Variants in THSD7A observed in about 807,000 individuals in gnomAD.
THSD7A encodes the protein thrombospondin type 1 domain containing 7A.
In THSD7A, 96 loss-of-function variants were observed where a neutral mutation model predicts 231.3. The observed-to-expected ratio is 0.41, with a 90% CI of 0.35 to 0.49. The LOEUF is 0.49. Ranked by LOEUF, THSD7A falls within the 20% of genes least tolerant of loss-of-function variation. The probability of loss-of-function intolerance (pLI) is 0.05; values close to 1 mark genes in which losing one functional copy is unlikely to be tolerated. For synonymous variants in THSD7A, 940 were observed against 743.3 expected (o/e 1.26, Z -4.30); for missense variants, 2,290 against 2,070.2 (o/e 1.11, Z -2.06).
At chr7:11,591,187 T>C (rs1433156834) in intron 3 of THSD7A, among the ~76,000 whole-genome samples, 1 of 144,794 alleles carries the variant, frequency 6.9e-6, no homozygotes, top group Non-Finnish European at 1.5e-5. Flanking sequence ...GCACTGAGCA[T>C]TCCTAATGAG....
intron 1 of THSD7A, among the ~76,000 whole-genome samples, chr7:11,667,916 C>A (rs1373378673): frequency 6.6e-6 from 1 of 152,090 alleles, no homozygotes; most frequent in Non-Finnish European, 1.5e-5. Context: ...TGCATATTAA[C>A]GTTAATGTAA....
intron 11 of THSD7A, among the ~76,000 whole-genome samples, chr7:11,451,922 C>G (rs1473551660): frequency 6.6e-6 from 1 of 152,142 alleles, no homozygotes; most frequent in South Asian, 2.1e-4. Context: ...TAAGGCCATG[C>G]ACTCATTTTG....
Position 11,395,247 on chromosome 7 carries a change from G to T in THSD7A, c.4411+6548C>A, listed in dbSNP as rs1783137621. Among the ~76,000 whole-genome samples the T allele has an allele frequency of 2.0e-5, 3 of 152,068 alleles. No homozygotes were observed. In the South Asian group the frequency reaches 6.2e-4, roughly 32 times the overall value. ...AAGAAGAGCATTACATATGGTAAAG[G>T]GATCAATGTAACAAGAACAGCTAAC... On this transcript the variant is annotated intron_variant, in intron 23 of 27. Coordinates refer to ENST00000423059, the MANE Select transcript of THSD7A (RefSeq NM_015204.3).
intron 1 of THSD7A, among the ~76,000 whole-genome samples, chr7:11,801,753 G>GT (rs1423545233): frequency 6.6e-6 from 1 of 152,076 alleles, no homozygotes; most frequent in African/African-American, 2.4e-5. Flanking sequence ...CAAAAAATCT[G>GT]TATGTCGTAA....
chr7:11,561,318 A>C (rs748184085), intron 4 of THSD7A, among the ~76,000 whole-genome samples: 4 of 152,338 alleles, frequency 2.6e-5, no homozygotes, highest in Admixed American at 6.5e-5. Flanking sequence ...GATTGAGGCT[A>C]TCAAGATAAT....
chr7:11,525,250 C>T (rs1788422691), intron 6 of THSD7A, among the ~76,000 whole-genome samples: 1 of 146,714 alleles, frequency 6.8e-6, no homozygotes, highest in Admixed American at 6.7e-5. Flanking sequence ...ACAGTTCATC[C>T]AAAGAGCACT....
intron 1 of THSD7A, among the ~76,000 whole-genome samples, chr7:11,768,685 T>C (rs1448096680): frequency 6.6e-6 from 1 of 152,202 alleles, no homozygotes; most frequent in East Asian, 1.9e-4. Flanking sequence ...TTCCCATGTG[T>C]AATATTTTAT....
chr7:11,483,859 ATATT>A (rs1260972618), intron 6 of THSD7A, among the ~76,000 whole-genome samples: 3 of 152,148 alleles, frequency 2.0e-5, no homozygotes, highest in African/African-American at 7.2e-5. Flanking sequence ...ATTCAGAAAA[ATATT>A]TATTCTGTGG....
intron 6 of THSD7A, among the ~76,000 whole-genome samples, chr7:11,493,785 T>C (rs769111209): frequency 9.9e-5 from 15 of 152,084 alleles, no homozygotes; most frequent in Non-Finnish European, 1.6e-4. Flanking sequence ...CAGACTGGAC[T>C]CTTTTTTGTT....
intron 4 of THSD7A, among the ~76,000 whole-genome samples, chr7:11,586,255 T>A (rs1247331630): frequency 1.3e-5 from 2 of 152,228 alleles, no homozygotes; most frequent in Non-Finnish European, 2.9e-5. Flanking sequence ...TTTAAAAATC[T>A]TGTTTTCCTG....
Position 11,637,010 on chromosome 7 carries a change from A to G in THSD7A, c.191-49T>C, listed in dbSNP as rs1315509733. ...TTAGCAGTGCTACTAGAAGAAAACT[A>G]CAAGTTACTGCACATTCCAGAAAGA... On this transcript the variant is annotated intron_variant, in intron 1 of 27. Transcript: ENST00000423059. This position sits in a 1 kb window ranked among gnomAD's most constrained non-coding sequence, Gnocchi z 4.2. The G allele has an allele frequency of 6.6e-7, 1 of 1,519,970 alleles. No individual in the cohort carries two copies. The highest frequency in any genetic ancestry group is 1.2e-5 in the South Asian group (1 of 81,436). The allele number at this position is 1,519,970 out of a possible 1,614,324, so 94.2% of individuals were successfully genotyped here.
chr7:11,525,473 A>G (rs1788432839), intron 6 of THSD7A, among the ~76,000 whole-genome samples: 1 of 152,160 alleles, frequency 6.6e-6, no homozygotes, highest in South Asian at 2.1e-4. Flanking sequence ...ACAACTTACT[A>G]CTTACAAGTA....
chr7:11,509,424 G>A (rs1268262734), intron 6 of THSD7A, among the ~76,000 whole-genome samples: 3 of 152,082 alleles, frequency 2.0e-5, no homozygotes, highest in Non-Finnish European at 4.4e-5. Context: ...TGATTTCAAA[G>A]GTTAGAAATG....
At chr7:11,403,871 C>A (rs1783494197) in intron 22 of THSD7A, among the ~76,000 whole-genome samples, 1 of 152,012 alleles carries the variant, frequency 6.6e-6, no homozygotes, top group Admixed American at 6.6e-5. Flanking sequence ...CGATGCCTGC[C>A]AAAGATATGA....
chr7:11,688,286 A>G (rs1780124097), intron 1 of THSD7A, among the ~76,000 whole-genome samples: 1 of 151,810 alleles, frequency 6.6e-6, no homozygotes, highest in Non-Finnish European at 1.5e-5. Context: ...TATGTGCCAC[A>G]TTCTAAACAG....
intron 8 of THSD7A, among the ~76,000 whole-genome samples, chr7:11,471,388 G>C (rs1408463630): frequency 6.6e-6 from 1 of 151,936 alleles, no homozygotes; most frequent in African/African-American, 2.4e-5. Context: ...CAGGTTTTCA[G>C]AAGTGAACTA....
intron 2 of THSD7A, among the ~76,000 whole-genome samples, chr7:11,606,276 C>A (rs1780729323): frequency 1.3e-5 from 2 of 152,066 alleles, no homozygotes; most frequent in African/African-American, 4.8e-5. Flanking sequence ...ACATAATAGA[C>A]ATGCACAGTA....
At chr7:11,542,153 G>A (rs1415444520) in intron 5 of THSD7A, among the ~76,000 whole-genome samples, 2 of 152,214 alleles carry the variant, frequency 1.3e-5, no homozygotes, top group Non-Finnish European at 2.9e-5. Flanking sequence ...TTGAGGTTCA[G>A]TTGATTTTAG....
At chr7:11,538,069 A>C (rs773007042) in intron 6 of THSD7A, among the ~76,000 whole-genome samples, 1 of 152,188 alleles carries the variant, frequency 6.6e-6, no homozygotes, top group Non-Finnish European at 1.5e-5. Context: ...ATTTACTTCC[A>C]TAAAAGTATG....
Sources: gnomAD v4.1 joint callset for allele counts (sites outside exome capture counted in the v4.1 genomes callset) on GRCh38, gnomAD v4.1.1 for gene constraint, Gnocchi (gnomAD v3.1) non-coding constraint, MANE v1.5 for transcripts, NCBI Gene and HGNC (gene_info 2026-07-23, HGNC 2026-07-21) for gene names.